The following RAB38 variants were observed in gnomAD, a reference collection of about 807,000 sequenced individuals.
RAB38 encodes the protein RAB38, member RAS oncogene family, also known as ras-related protein Rab-38.
In RAB38, 15 loss-of-function variants were observed where a neutral mutation model predicts 18.4. The ratio of observed to expected loss-of-function variants is 0.82; its 90% CI spans 0.55 to 1.26. The LOEUF (loss-of-function observed/expected upper bound fraction) is 1.26, where lower values mean the gene tolerates loss of function less well. RAB38 is among the 50% of genes most tolerant of loss of function. The probability of loss-of-function intolerance (pLI) is 0.00; values close to 1 mark genes in which losing one functional copy is unlikely to be tolerated. For synonymous variants in RAB38, 101 were observed against 104.4 expected (o/e 0.97, Z 0.20); for missense variants, 294 against 267.4 (o/e 1.10, Z -0.69).
At chr11:88,096,392 A>G in the RAB38 span, among the ~76,000 whole-genome samples, 1 of 151,864 alleles carries the variant, frequency 6.6e-6, no homozygotes, top group South Asian at 2.1e-4. Flanking sequence ...TCATCTCCAC[A>G]TAGAAGATTC....
At chr11:87,844,115 C>T in the RAB38 span, among the ~76,000 whole-genome samples, 7 of 152,246 alleles carry the variant, frequency 4.6e-5, 1 homozygote, top group East Asian at 1.9e-4. Flanking sequence ...TACTCCTTTG[C>T]GTTTTGCATT....
chr11:87,907,701 A>C, the RAB38 span, among the ~76,000 whole-genome samples: 4 of 151,592 alleles, frequency 2.6e-5, no homozygotes, highest in Admixed American at 2.6e-4. Flanking sequence ...ATTAGAACTG[A>C]ATAATCTGGT....
chr11:88,015,927 G>A, the RAB38 span, among the ~76,000 whole-genome samples: 2 of 152,176 alleles, frequency 1.3e-5, no homozygotes, highest in African/African-American at 4.8e-5. Flanking sequence ...GTGCATCAGA[G>A]ATAGAGATCC....
chr11:88,084,439 C>T, the RAB38 span, among the ~76,000 whole-genome samples: 1 of 151,724 alleles, frequency 6.6e-6, no homozygotes, highest in Non-Finnish European at 1.5e-5. Context: ...TCATCCTGAA[C>T]AGCCACTGCT....
the RAB38 span, among the ~76,000 whole-genome samples, chr11:88,003,982 T>G: frequency 3.9e-3 from 501 of 126,926 alleles, no homozygotes; most frequent in Non-Finnish European, 6.8e-3. Flanking sequence ...GGTATATGCA[T>G]ATAGGTATAT....
At chr11:87,948,220 C>G in the RAB38 span, among the ~76,000 whole-genome samples, 353 of 152,016 alleles carry the variant, frequency 2.3e-3, 1 homozygote, top group African/African-American at 8.0e-3. Context: ...GTATAAGAAT[C>G]CTTGTGATTT....
intron 2 of RAB38, among the ~76,000 whole-genome samples, chr11:88,147,577 A>G (rs188367666): frequency 1.6e-4 from 24 of 151,948 alleles, no homozygotes; most frequent in Admixed American, 1.4e-3. Flanking sequence ...AATTAAAAAA[A>G]AAAAAAAAAC....
At chr11:88,020,425 C>T in the RAB38 span, among the ~76,000 whole-genome samples, 1 of 152,148 alleles carries the variant, frequency 6.6e-6, no homozygotes. Context: ...TTTATACGCT[C>T]CCAACACTGG....
At chr11:87,849,927 G>A in the RAB38 span, among the ~76,000 whole-genome samples, 2 of 152,104 alleles carry the variant, frequency 1.3e-5, no homozygotes, top group African/African-American at 4.8e-5. Flanking sequence ...GTTGTATTCT[G>A]GTTCAAGGAG....
chr11:88,155,302 A>G (rs888571251), intron 1 of RAB38, among the ~76,000 whole-genome samples: 126 of 152,334 alleles, frequency 8.3e-4, no homozygotes, highest in African/African-American at 2.9e-3. Context: ...AGCTTCCGCC[A>G]GTAAACAAGG....
the RAB38 span, among the ~76,000 whole-genome samples, chr11:87,867,925 G>A: frequency 2.6e-5 from 4 of 151,676 alleles, no homozygotes; most frequent in African/African-American, 7.2e-5. Context: ...GCCCTAATCT[G>A]AGTGACACTA....
intron 2 of RAB38, chr11:88,115,555 G>T (rs1942539093): frequency 6.6e-6 from 1 of 152,174 alleles, no homozygotes; most frequent in African/African-American, 2.4e-5. Flanking sequence ...GACAAGTATA[G>T]CCTAATTATT....
At chr11:87,931,737 T>A in the RAB38 span, among the ~76,000 whole-genome samples, 24 of 152,074 alleles carry the variant, frequency 1.6e-4, no homozygotes, top group Non-Finnish European at 2.9e-5. Flanking sequence ...ATTAAGAACT[T>A]TTGACATCTG....
chr11:88,092,377 A>AGG, the RAB38 span, among the ~76,000 whole-genome samples: 22 of 12,088 alleles, frequency 1.8e-3, 4 homozygotes, highest in Non-Finnish European at 2.5e-3. Context: ...AGAGAGAGAG[A>AGG]GAGAGAGAGA....
intron 2 of RAB38, among the ~76,000 whole-genome samples, chr11:88,144,783 A>G (rs302667): frequency 0.86 from 130,094 of 151,996 alleles, 55,936 homozygotes; most frequent in Middle Eastern, 0.93. Context: ...TAGGACTGGG[A>G]TAGGGGAGCA....
the RAB38 span, among the ~76,000 whole-genome samples, chr11:87,878,245 A>T: frequency 9.6e-6 from 1 of 103,766 alleles, no homozygotes; most frequent in Non-Finnish European, 1.8e-5. Context: ...ATACACACAC[A>T]CCTATCATCT....
the RAB38 span, among the ~76,000 whole-genome samples, chr11:87,834,272 T>C: frequency 3.3e-5 from 5 of 152,302 alleles, no homozygotes; most frequent in African/African-American, 1.2e-4. Context: ...GCACTTTAAA[T>C]GAACTTAGAA....
chr11:88,146,904 A>T (rs1182866382), intron 2 of RAB38, among the ~76,000 whole-genome samples: 1 of 152,206 alleles, frequency 6.6e-6, no homozygotes, highest in African/African-American at 2.4e-5. Context: ...TTCTCTTCAA[A>T]GTTCACACTT....
At chr11:88,132,015 T>A (rs1435730848) in intron 2 of RAB38, among the ~76,000 whole-genome samples, 1 of 152,194 alleles carries the variant, frequency 6.6e-6, no homozygotes, top group Non-Finnish European at 1.5e-5. Context: ...GGAACTGAGT[T>A]CTGCCAACAA....
Sources: allele counts gnomAD v4.1 joint callset (sites outside exome capture counted in the v4.1 genomes callset), GRCh38; gene constraint gnomAD v4.1.1; transcripts MANE v1.5; gene names NCBI Gene and HGNC (gene_info 2026-07-23, HGNC 2026-07-21).